Variants in NAV1 observed in about 807,000 individuals in gnomAD.
The protein encoded by NAV1 is neuron navigator 1.
NAV1 carries 18 observed loss-of-function variants against 175.2 expected under a neutral mutation model. The observed-to-expected ratio is 0.10, with a 90% confidence interval of 0.07 to 0.15. NAV1 has a LOEUF of 0.15. NAV1 is among the 10% of genes least tolerant of loss of function. The probability of loss-of-function intolerance (pLI) is 1.00; values close to 1 mark genes in which losing one functional copy is unlikely to be tolerated. For missense variants in NAV1, 1,731 were observed against 2,436.6 expected (o/e 0.71, Z 6.10); for synonymous variants, 897 against 978.7 (o/e 0.92, Z 1.56).
At chr1:201,653,658 C>G (rs1239773626) in intron 1 of NAV1, among the ~76,000 whole-genome samples, 1 of 152,130 alleles carries the variant, frequency 6.6e-6, no homozygotes, top group East Asian at 1.9e-4. Context: ...AGAACTGCCA[C>G]CCAGAACAGA....
chr1:201,746,302 A>AT (rs1673767214), intron 3 of NAV1, among the ~76,000 whole-genome samples: 3 of 152,224 alleles, frequency 2.0e-5, no homozygotes, highest in African/African-American at 7.2e-5. Flanking sequence ...TACCACTGTA[A>AT]GAGCTAATAT....
intron 1 of NAV1, among the ~76,000 whole-genome samples, chr1:201,561,645 C>T (rs2102464600): frequency 6.6e-6 from 1 of 152,304 alleles, no homozygotes; most frequent in East Asian, 1.9e-4. Context: ...GGAAGCTCCC[C>T]ACAGATACAG....
At chr1:201,625,198 T>G (rs1274388936) in intron 1 of NAV1, among the ~76,000 whole-genome samples, 1 of 152,186 alleles carries the variant, frequency 6.6e-6, no homozygotes, top group African/African-American at 2.4e-5. Flanking sequence ...TGAAAGGAAC[T>G]GAAGAAGTTT....
chr1:201,734,659 T>C (rs970361192), intron 3 of NAV1, among the ~76,000 whole-genome samples: 1 of 151,954 alleles, frequency 6.6e-6, no homozygotes, highest in African/African-American at 2.4e-5. Context: ...TGATCTGAAA[T>C]GATTGCTCCT....
chr1:201,744,454 A>G (rs1673643400), intron 3 of NAV1, among the ~76,000 whole-genome samples: 1 of 152,164 alleles, frequency 6.6e-6, no homozygotes, highest in Non-Finnish European at 1.5e-5. Context: ...TAGTCCCTGC[A>G]TTTAGGAGCT....
At chr1:201,776,540 T>C (rs1295652632) in intron 3 of NAV1, among the ~76,000 whole-genome samples, 2 of 149,586 alleles carry the variant, frequency 1.3e-5, no homozygotes, top group Middle Eastern at 3.2e-3. Flanking sequence ...ACTCAGGAGG[T>C]TGAGGCAGGA....
chr1:201,802,136 C>CAAAAAAAAAAAAAAAAAAAA (rs771631007), intron 15 of NAV1, among the ~76,000 whole-genome samples: 58 of 20,192 alleles, frequency 2.9e-3, no homozygotes, highest in Non-Finnish European at 5.7e-3. Flanking sequence ...GACTCCGTCT[C>CAAAAAAAAAAAAAAAAAAAA]AAAAAAAAAA....
chr1:201,790,002 C>G (rs759350863), intron 11 of NAV1, among the ~76,000 whole-genome samples: 2 of 152,130 alleles, frequency 1.3e-5, no homozygotes, highest in African/African-American at 2.4e-5. Context: ...CTGGCCCCAC[C>G]ACCAGCTCCT....
At chr1:201,646,633 A>C (rs555592478), upstream of NAV1, among the ~76,000 whole-genome samples, 1 of 152,172 alleles carries the variant, frequency 6.6e-6, no homozygotes, top group East Asian at 1.9e-4. Flanking sequence ...CGTGCCACTT[A>C]TCCTTTCTGC....
chr1:201,629,660 T>A, intron 2 of NAV1, 153 bp downstream of exon 4: 1 of 429,086 alleles, frequency 2.3e-6, no homozygotes, highest in Non-Finnish European at 4.1e-6. Context: ...TCATCATGCT[T>A]GACTCAACCC....
At chr1:201,777,468 T>C (rs939217631) in intron 3 of NAV1, among the ~76,000 whole-genome samples, 1 of 152,224 alleles carries the variant, frequency 6.6e-6, no homozygotes, top group Non-Finnish European at 1.5e-5. Flanking sequence ...TCTTTTGTTT[T>C]GTTTGTAGTG....
intron 3 of NAV1, chr1:201,739,675 G>T (rs1177562168): frequency 3.1e-6 from 2 of 652,786 alleles, no homozygotes; most frequent in Non-Finnish European, 2.0e-6. Flanking sequence ...CCCCAGCCCC[G>T]TCGGCACCTC....
At position 201,782,290 on chromosome 1, in the gene NAV1, C is replaced by G; in HGVS notation, c.1778C>G (p.Pro593Arg). ...CGCCTGAGTGATGCTAAGAAGCCCCCCTCGGGCATTGCTCGCCCCTCCACT... is the reference window on the plus strand; with the variant it reads ...CGCCTGAGTGATGCTAAGAAGCCCCGCTCGGGCATTGCTCGCCCCTCCACT... Residue 593 changes from proline (P) to arginine (R), a missense_variant, in exon 6 of 30, where the codon CCC becomes CGC. Coordinates refer to ENST00000367296, the Ensembl canonical transcript of NAV1. The surrounding 1 kb of genome is among the most constrained non-coding windows in gnomAD (Gnocchi z 5.4). The G allele has an allele frequency of 6.2e-7, 1 of 1,614,208 alleles. No individual in the cohort carries two copies. The highest frequency in any genetic ancestry group is 8.5e-7 in the Non-Finnish European group (1 of 1,180,038).
At chr1:201,586,247 T>C (rs1667024852) in intron 1 of NAV1, among the ~76,000 whole-genome samples, 2 of 138,530 alleles carry the variant, frequency 1.4e-5, no homozygotes, top group Non-Finnish European at 3.0e-5. Context: ...CTGGGTTACC[T>C]AGGGTAGTCA....
At chr1:201,623,385 T>C in exon 1 of NAV1, 1 of 985,830 alleles carries the variant, frequency 1.0e-6, no homozygotes, top group Non-Finnish European at 1.2e-6. Flanking sequence ...GTCGGAAGCC[T>C]CCAAGCTGCC....
chr1:201,625,965 C>G (rs372246701), intron 1 of NAV1, among the ~76,000 whole-genome samples: 1 of 152,224 alleles, frequency 6.6e-6, no homozygotes, highest in African/African-American at 2.4e-5. Flanking sequence ...ACCCTACCTC[C>G]TAGACCCTGC....
chr1:201,797,316 AG>A (rs1448333014), intron 15 of NAV1: 10 of 152,218 alleles, frequency 6.6e-5, no homozygotes, highest in Admixed American at 6.5e-4. Flanking sequence ...CTAGACTTTC[AG>A]TTCTATTCCA....
intron 3 of NAV1, among the ~76,000 whole-genome samples, chr1:201,720,410 T>C (rs377207987): frequency 4.6e-5 from 7 of 151,996 alleles, no homozygotes; most frequent in African/African-American, 1.7e-4. Flanking sequence ...AGCTCCCAGA[T>C]TGATGGAGGT....
rs10920241 is a variant in NAV1, at chr1:201,727,639, T to C, written c.1226+8884T>C. Among the ~76,000 whole-genome samples, 959 of 152,194 alleles carry C rather than the reference T, an allele frequency of 6.3e-3. 7 individuals carry two copies. The highest frequency in any genetic ancestry group is 0.027 in the Middle Eastern group (8 of 294). ...GAGACAAGGATTTGGGTGCAAGTGG[T>C]TTATTTGGCAGGTGCCCAGAAAGTG... On this transcript the variant is annotated intron_variant, in intron 3 of 29. Transcript: ENST00000367296.
Sources: allele counts gnomAD v4.1 joint callset (sites outside exome capture counted in the v4.1 genomes callset), GRCh38; gene constraint gnomAD v4.1.1; non-coding constraint Gnocchi (gnomAD v3.1); transcripts MANE v1.5; gene names NCBI Gene and HGNC (gene_info 2026-07-23, HGNC 2026-07-21).